DYM: variants seen among roughly 807,000 people sequenced by gnomAD.
DYM encodes the protein dyggve-Melchior-Clausen syndrome protein.
A neutral mutation model predicts 93.1 loss-of-function variants in DYM; 78 were observed. The observed-to-expected ratio is 0.84, with a 90% confidence interval of 0.70 to 1.01. The LOEUF (loss-of-function observed/expected upper bound fraction) is 1.01, where lower values mean the gene tolerates loss of function less well. DYM is among the 50% of genes least tolerant of loss of function. DYM has a pLI of 0.00. For synonymous variants in DYM, 321 were observed against 319.7 expected (o/e 1.00, Z -0.04); for missense variants, 789 against 845.0 (o/e 0.93, Z 0.82).
chr18:49,195,451 T>C (rs924277726), intron 14 of DYM, among the ~76,000 whole-genome samples: 9 of 152,210 alleles, frequency 5.9e-5, no homozygotes, highest in African/African-American at 1.7e-4. Flanking sequence ...CAATAAATTA[T>C]AGTTAACCAT....
At chr18:49,071,476 G>A (rs1039114401) in intron 17 of DYM, among the ~76,000 whole-genome samples, 2 of 152,192 alleles carry the variant, frequency 1.3e-5, no homozygotes, top group Admixed American at 6.5e-5. Context: ...TTATCTCCCC[G>A]TGATGAACAG....
chr18:49,440,354 G>GCATATTA (rs1301355453), intron 1 of DYM, among the ~76,000 whole-genome samples: 1 of 115,216 alleles, frequency 8.7e-6, no homozygotes, highest in Non-Finnish European at 1.8e-5. Context: ...ATATAATATA[G>GCATATTA]TATATGATAT....
intron 2 of DYM, among the ~76,000 whole-genome samples, chr18:49,399,934 C>CTTTTTTTTTTTTTT (rs1201370040): frequency 1.4e-4 from 9 of 66,110 alleles, no homozygotes; most frequent in South Asian, 7.6e-4. Context: ...TTTTATTTTT[C>CTTTTTTTTTTTTTT]TTTTTTTTTT....
At chr18:49,384,978 C>G (rs2068447319) in intron 3 of DYM, among the ~76,000 whole-genome samples, 2 of 150,468 alleles carry the variant, frequency 1.3e-5, no homozygotes, top group Non-Finnish European at 3.0e-5. Flanking sequence ...ATCAAAACAC[C>G]TCATCAAATT....
intron 13 of DYM, among the ~76,000 whole-genome samples, chr18:49,243,766 T>C (rs1374451823): frequency 6.6e-6 from 1 of 152,078 alleles, no homozygotes; most frequent in African/African-American, 2.4e-5. Context: ...ATTCATTTAA[T>C]ACTGAGTGAT....
chr18:49,116,008 T>A (rs558763576), intron 16 of DYM: 1 of 152,210 alleles, frequency 6.6e-6, no homozygotes, highest in Non-Finnish European at 1.5e-5. Flanking sequence ...TGTAGGTAGA[T>A]GCAATAGCCA....
At chr18:49,317,688 C>CCTTCCTTT (rs1555690626) in intron 8 of DYM, among the ~76,000 whole-genome samples, 3 of 88,634 alleles carry the variant, frequency 3.4e-5, no homozygotes, top group African/African-American at 1.3e-4. Context: ...TTCCTTCCTT[C>CCTTCCTTT]CTTTCTTTCT....
rs934305280 is a variant in DYM at position 49,317,674 on chromosome 18, T to G, written c.763+14190A>C. ...CTTCCTTCCTTCCTTCCTTCCTTCC[T>G]TCCTTCCTTCCTTCCTTTCTTTCTT... On this transcript the variant is annotated intron_variant, in intron 8 of 17. Transcript: ENST00000675505. Among the ~76,000 whole-genome samples, 69 of 125,486 alleles carry G rather than the reference T, an allele frequency of 5.5e-4. 1 individual carries two copies. Among genetic ancestry groups the G allele is most frequent in the African/African-American group, 2.0e-3 (66 of 33,130 alleles). 82.3% of individuals were successfully genotyped at this position (125,486 alleles called of 152,430 possible). A position where few individuals can be genotyped will look rare whatever the true frequency, so the allele number is the denominator to read the frequency against.
At chr18:49,289,748 T>TATATACAC (rs2059943466) in intron 8 of DYM, among the ~76,000 whole-genome samples, 2 of 41,176 alleles carry the variant, frequency 4.9e-5, no homozygotes, top group African/African-American at 2.1e-4. Context: ...TATATATATA[T>TATATACAC]ATATATATAT....
In DYM at chr18:49,282,002, T is replaced by A. The variant is rs1425853883; in HGVS notation, c.1120A>T (p.Asn374Tyr). Residue 374 changes from asparagine to tyrosine, a missense_variant, in exon 10 of 18, where the codon AAT (asparagine) becomes TAT (tyrosine). Transcript: ENST00000675505. ...ATGTTTAGTATGATACTTACAAGAT[T>A]TTCCATATCTGTGCGAGCCAACATG... ...TYMLARTDMENLVLPILEILY... is the reference protein window; with the variant it reads ...TYMLARTDMEYLVLPILEILY... The A allele has an allele frequency of 3.1e-6, 5 of 1,613,206 alleles. No individual in the cohort carries two copies. The highest frequency in any genetic ancestry group is 4.2e-6 in the Non-Finnish European group (5 of 1,179,464).
chr18:49,379,233 A>G (rs530454818), intron 4 of DYM, among the ~76,000 whole-genome samples: 3 of 152,290 alleles, frequency 2.0e-5, no homozygotes, highest in South Asian at 4.1e-4. Context: ...ACATCCAAAC[A>G]TGGTTTTGAA....
chr18:49,422,377 A>AACC (rs1286964341), intron 2 of DYM, among the ~76,000 whole-genome samples: 1 of 152,102 alleles, frequency 6.6e-6, no homozygotes, highest in Non-Finnish European at 1.5e-5. Flanking sequence ...AATAATTTTC[A>AACC]ACCCAGAATT....
At chr18:49,090,475 C>A (rs1260928275) in intron 17 of DYM, among the ~76,000 whole-genome samples, 1 of 152,088 alleles carries the variant, frequency 6.6e-6, no homozygotes, top group Non-Finnish European at 1.5e-5. Context: ...GTCATTTGTA[C>A]AATTAAAGTA....
chr18:49,211,573 A>G (rs2092787224), intron 13 of DYM, among the ~76,000 whole-genome samples: 1 of 152,170 alleles, frequency 6.6e-6, no homozygotes, highest in South Asian at 2.1e-4. Context: ...AAATGGGCAA[A>G]TTTCCACAAA....
Position 49,209,691 on chromosome 18 carries a change from T to C in DYM, c.1485A>G (p.Arg495=). The C allele has an allele frequency of 7.8e-7, 1 of 1,283,832 alleles. No homozygotes were observed. Among genetic ancestry groups the C allele is most frequent in the South Asian group, 1.2e-5 (1 of 80,018 alleles). The allele number at this position is 1,283,832 out of a possible 1,614,324, so 79.5% of individuals were successfully genotyped here. ...ACAGTTTGTCCAACACATAAACATA[T>C]CTCCGCAAGTGGCGGCAGGTATAAC... ...IISYTCRHLR[R]YVYVLDKLYF... Residue 495 remains arginine (R), a synonymous_variant, in exon 14 of 18, where the codon AGA becomes AGG. Coordinates refer to ENST00000675505, the MANE Select transcript of DYM (RefSeq NM_001353214.3).
intron 14 of DYM, among the ~76,000 whole-genome samples, chr18:49,187,699 G>GA (rs1161932871): frequency 6.6e-6 from 1 of 152,056 alleles, no homozygotes; most frequent in African/African-American, 2.4e-5. Flanking sequence ...TAATAGGCCA[G>GA]AAAATAACTA....
At chr18:49,261,228 T>G (rs966844411) in intron 11 of DYM, among the ~76,000 whole-genome samples, 11 of 152,176 alleles carry the variant, frequency 7.2e-5, no homozygotes, top group African/African-American at 2.4e-4. Context: ...TACACATATT[T>G]TCACTCGTTT....
intron 2 of DYM, among the ~76,000 whole-genome samples, chr18:49,421,260 C>T (rs1027226649): frequency 6.6e-6 from 1 of 152,212 alleles, no homozygotes; most frequent in African/African-American, 2.4e-5. Context: ...TAGGGGCCGA[C>T]TGACACCTCA....
At chr18:49,303,892 C>G (rs1479310268) in intron 8 of DYM, among the ~76,000 whole-genome samples, 2 of 152,148 alleles carry the variant, frequency 1.3e-5, no homozygotes, top group East Asian at 1.9e-4. Context: ...TACAGGACAT[C>G]CTAACTAAGT....
Sources: gnomAD v4.1 joint callset for allele counts (sites outside exome capture counted in the v4.1 genomes callset) on GRCh38, gnomAD v4.1.1 for gene constraint, MANE v1.5 for transcripts, NCBI Gene and HGNC (gene_info 2026-07-23, HGNC 2026-07-21) for gene names.